CCDC91: variants seen among roughly 807,000 people sequenced by gnomAD.
CCDC91 encodes coiled-coil domain containing 91.
A neutral mutation model predicts 63.2 loss-of-function variants in CCDC91; 48 were observed. The ratio of observed to expected loss-of-function variants is 0.76; its 90% CI spans 0.60 to 0.97. CCDC91 has a LOEUF of 0.97. Ranked by LOEUF, CCDC91 falls within the 50% of genes least tolerant of loss-of-function variation. CCDC91 has a pLI of 0.00. For synonymous variants in CCDC91, 167 were observed against 165.8 expected (o/e 1.01, Z -0.06); for missense variants, 500 against 494.6 (o/e 1.01, Z -0.10).
At chr12:28,249,739 A>G (rs1463743134) in intron 1 of CCDC91, among the ~76,000 whole-genome samples, 1 of 150,982 alleles carries the variant, frequency 6.6e-6, no homozygotes, top group Non-Finnish European at 1.5e-5. Flanking sequence ...TTTTGAGAGC[A>G]GTAAAGAGGA....
intron 1 of CCDC91, among the ~76,000 whole-genome samples, chr12:28,230,730 T>A (rs1944537382): frequency 6.6e-6 from 1 of 152,160 alleles, no homozygotes; most frequent in Non-Finnish European, 1.5e-5. Flanking sequence ...ACTCAAGTGA[T>A]CCTCCTGCAA....
chr12:28,387,847 C>A (rs553892083), intron 7 of CCDC91, among the ~76,000 whole-genome samples: 10 of 152,258 alleles, frequency 6.6e-5, no homozygotes, highest in African/African-American at 2.4e-4. Context: ...CCGCTATAAA[C>A]GTGTGTTCAA....
intron 3 of CCDC91, among the ~76,000 whole-genome samples, chr12:28,281,008 C>T (rs1054700314): frequency 2.6e-5 from 4 of 151,598 alleles, no homozygotes; most frequent in African/African-American, 9.7e-5. Flanking sequence ...ATATCCTATG[C>T]AATATGGCTT....
intron 6 of CCDC91, among the ~76,000 whole-genome samples, chr12:28,344,213 A>G (rs1040712888): frequency 5.3e-5 from 8 of 152,114 alleles, no homozygotes; most frequent in African/African-American, 1.9e-4. Flanking sequence ...AAAAAATCTT[A>G]CTTGGAGTTA....
chr12:28,512,471 C>T (rs761245281), intron 12 of CCDC91, among the ~76,000 whole-genome samples: 7 of 151,850 alleles, frequency 4.6e-5, no homozygotes, highest in East Asian at 1.9e-4. Flanking sequence ...CACAGTAAGA[C>T]GTATTGTGGG....
intron 3 of CCDC91, among the ~76,000 whole-genome samples, chr12:28,294,210 C>T (rs549157555): frequency 2.4e-4 from 36 of 152,232 alleles, no homozygotes; most frequent in Middle Eastern, 3.4e-3. Flanking sequence ...AGAGTATGTA[C>T]CAGGTCAATG....
At chr12:28,240,270 C>T (rs1945247088) in intron 1 of CCDC91, among the ~76,000 whole-genome samples, 1 of 152,112 alleles carries the variant, frequency 6.6e-6, no homozygotes, top group Admixed American at 6.5e-5. Flanking sequence ...TTGTATTAAT[C>T]ACAGTTTTTA....
intron 8 of CCDC91, among the ~76,000 whole-genome samples, chr12:28,448,648 C>T (rs1452821329): frequency 6.6e-6 from 1 of 152,072 alleles, no homozygotes; most frequent in Non-Finnish European, 1.5e-5. Flanking sequence ...TGACTTCTAA[C>T]ATTACCAGTT....
chr12:28,380,185 G>T (rs1945209035), intron 7 of CCDC91, among the ~76,000 whole-genome samples: 1 of 152,008 alleles, frequency 6.6e-6, no homozygotes, highest in Non-Finnish European at 1.5e-5. Flanking sequence ...GGGTTGGGGG[G>T]CTGGGGTAGG....
chr12:28,258,334 T>G (rs185571620), intron 2 of CCDC91, among the ~76,000 whole-genome samples: 70 of 152,066 alleles, frequency 4.6e-4, no homozygotes, highest in African/African-American at 1.7e-3. Context: ...AGTTTATTGT[T>G]TAGAAGTTGT....
intron 3 of CCDC91, among the ~76,000 whole-genome samples, chr12:28,265,092 A>G (rs183001019): frequency 1.1e-3 from 171 of 152,140 alleles, no homozygotes; most frequent in African/African-American, 3.9e-3. Context: ...CATTGTGTAC[A>G]ATGTGGGTGG....
chr12:28,386,855 A>G (rs1945635230), intron 7 of CCDC91, among the ~76,000 whole-genome samples: 1 of 152,154 alleles, frequency 6.6e-6, no homozygotes, highest in Non-Finnish European at 1.5e-5. Flanking sequence ...TGGCATTTCT[A>G]TCTGTATATA....
intron 12 of CCDC91, among the ~76,000 whole-genome samples, chr12:28,487,080 A>G (rs924944790): frequency 1.3e-5 from 2 of 151,916 alleles, no homozygotes; most frequent in South Asian, 2.1e-4. Context: ...TTGGTGTTCT[A>G]TTTCCTCTGA....
chr12:28,458,020 GTTT>G (rs1950131600), intron 11 of CCDC91, among the ~76,000 whole-genome samples: 1 of 152,012 alleles, frequency 6.6e-6, no homozygotes, highest in Non-Finnish European at 1.5e-5. Flanking sequence ...TTGGGGTTAT[GTTT>G]TCCCGAGAAG....
chr12:28,245,774 A>G (rs183837255), intron 1 of CCDC91, among the ~76,000 whole-genome samples: 4 of 152,306 alleles, frequency 2.6e-5, no homozygotes, highest in African/African-American at 2.4e-5. Flanking sequence ...ATGAGATGCC[A>G]TTTAAAACCA....
Position 28,425,803 on chromosome 12 carries a change from C to T in CCDC91, c.763-24358C>T, listed in dbSNP as rs145284027. 4.1e-3 allele frequency among the ~76,000 whole-genome samples: 623 copies of T among 152,214 alleles called. 2 individuals are homozygous for T. In the Middle Eastern group the frequency reaches 0.061, roughly 15 times the overall value. On this transcript the variant is annotated intron_variant, in intron 8 of 12. Coordinates refer to ENST00000536442, the MANE Select transcript of CCDC91 (RefSeq NM_018318.5). ...TGGGAGCATGTTAGACATGCAAATT[C>T]TGTGGTACTTCCCCAGACCTACTGT...
chr12:28,386,848 C>T (rs1945634857), intron 7 of CCDC91, among the ~76,000 whole-genome samples: 1 of 152,066 alleles, frequency 6.6e-6, no homozygotes. Context: ...TGTATCTTGG[C>T]ATTTCTATCT....
intron 11 of CCDC91, among the ~76,000 whole-genome samples, chr12:28,472,224 A>G (rs1486277159): frequency 6.6e-6 from 1 of 152,182 alleles, no homozygotes; most frequent in Non-Finnish European, 1.5e-5. Flanking sequence ...GTAGCCAGCT[A>G]CGTTAGATTG....
chr12:28,518,970 T>A (rs1392796455), intron 12 of CCDC91, among the ~76,000 whole-genome samples: 2 of 151,900 alleles, frequency 1.3e-5, no homozygotes, highest in Non-Finnish European at 2.9e-5. Context: ...TATAAGTATT[T>A]GGATTTATTT....
Sources: allele counts gnomAD v4.1 joint callset (sites outside exome capture counted in the v4.1 genomes callset), GRCh38; gene constraint gnomAD v4.1.1; transcripts MANE v1.5; gene names NCBI Gene and HGNC (gene_info 2026-07-23, HGNC 2026-07-21).